Variants in DROSHA observed in about 807,000 individuals in gnomAD.
DROSHA encodes the protein drosha ribonuclease III, also known as ribonuclease 3.
A neutral mutation model predicts 181.9 loss-of-function variants in DROSHA; 56 were observed. The observed-to-expected ratio is 0.31, with a 90% CI of 0.25 to 0.38. The LOEUF (loss-of-function observed/expected upper bound fraction) is 0.38. DROSHA is among the 10% of genes least tolerant of loss of function. The pLI, the probability that DROSHA is intolerant of heterozygous loss-of-function variation, is 1.00. For synonymous variants in DROSHA, 524 were observed against 591.2 expected (o/e 0.89, Z 1.65); for missense variants, 1,218 against 1,743.5 (o/e 0.70, Z 5.37).
intron 34 of DROSHA, 44 bp from the exon 35 acceptor site, chr5:31,405,767 CTT>C (rs67380927): frequency 0.018 from 8,594 of 465,016 alleles, no homozygotes; most frequent in Middle Eastern, 0.027. Context: ...TTTCAAGATT[CTT>C]TTTTTTTTTT....
At chr5:31,434,755 C>T (rs765213498) in intron 25 of DROSHA, among the ~76,000 whole-genome samples, 1 of 152,106 alleles carries the variant, frequency 6.6e-6, no homozygotes, top group Non-Finnish European at 1.5e-5. Flanking sequence ...TTACTTTAGG[C>T]AAAACCCACA....
chr5:31,503,710 G>A (rs1182221925), intron 11 of DROSHA, among the ~76,000 whole-genome samples: 3 of 152,104 alleles, frequency 2.0e-5, no homozygotes, highest in East Asian at 1.9e-4. Context: ...TTGATCCCTC[G>A]TCAACATCTC....
intron 20 of DROSHA, among the ~76,000 whole-genome samples, chr5:31,453,829 T>A (rs1197504928): frequency 6.6e-6 from 1 of 152,018 alleles, no homozygotes; most frequent in Non-Finnish European, 1.5e-5. Context: ...CTACAAGACT[T>A]TAAATTTCTA....
chr5:31,404,710 G>A (rs945364700), intron 35 of DROSHA, among the ~76,000 whole-genome samples: 1 of 152,112 alleles, frequency 6.6e-6, no homozygotes, highest in Admixed American at 6.5e-5. Context: ...GGTCAATCAT[G>A]TAATTGAAGT....
At chr5:31,459,910 A>C (rs1474974916) in intron 20 of DROSHA, among the ~76,000 whole-genome samples, 1 of 152,064 alleles carries the variant, frequency 6.6e-6, no homozygotes, top group East Asian at 1.9e-4. Context: ...TTTCCTTAAG[A>C]AGTTACAATG....
In DROSHA at chr5:31,410,948, T is replaced by A. The variant is rs574792837; in HGVS notation, c.3526-61A>T. 8 of 1,598,932 alleles carry A rather than the reference T, an allele frequency of 5.0e-6. No homozygotes were observed. In the Admixed American group the frequency reaches 5.1e-5, roughly 10 times the overall value. ...TTTCACTTTTGACCTCTCTTATTCC[T>A]GGGTTGGACCCAACTAGCCTGAGAG... On this transcript the variant is annotated intron_variant, in intron 30 of 35. Coordinates refer to ENST00000344624, the MANE Select transcript of DROSHA (RefSeq NM_001382508.1).
chr5:31,408,943 A>G, intron 33 of DROSHA, 113 bp downstream of exon 33: 2 of 977,936 alleles, frequency 2.0e-6, no homozygotes, highest in South Asian at 1.7e-5. Flanking sequence ...AGAAGTCTCA[A>G]TCCTGGGCTC....
intron 27 of DROSHA, 65 bp downstream of exon 27, chr5:31,429,410 C>T (rs923779247): frequency 2.2e-5 from 32 of 1,428,434 alleles, no homozygotes; most frequent in East Asian, 2.0e-4. Context: ...TTACAAAGAC[C>T]AGCTGAAATA....
chr5:31,405,426 C>T (rs960036228), intron 35 of DROSHA, among the ~76,000 whole-genome samples: 1 of 151,590 alleles, frequency 6.6e-6, no homozygotes, highest in Non-Finnish European at 1.5e-5. Context: ...ACAGGTCACC[C>T]GCGCTGAGAT....
chr5:31,530,162 C>T (rs2150066598), intron 3 of DROSHA, among the ~76,000 whole-genome samples: 1 of 152,150 alleles, frequency 6.6e-6, no homozygotes, highest in East Asian at 1.9e-4. Context: ...TACTCTGTCC[C>T]TAAGCTGGAG....
intron 27 of DROSHA, among the ~76,000 whole-genome samples, chr5:31,425,916 T>C (rs988529482): frequency 6.6e-6 from 1 of 152,076 alleles, no homozygotes; most frequent in Non-Finnish European, 1.5e-5. Flanking sequence ...CCCTGAGCAA[T>C]GCACTCAAAG....
rs182063518 is a variant in DROSHA at position 31,474,849 on chromosome 5, T to C, written c.2072-2617A>G. On this transcript the variant is annotated intron_variant, in intron 16 of 35. Coordinates refer to ENST00000344624, the MANE Select transcript of DROSHA (RefSeq NM_001382508.1). ...AAGAAGATGGCTGGCTGTGAAACAG[T>C]AAGAGGACCTTCATCAACAACCCAA... Among the ~76,000 whole-genome samples, 201 of 152,256 alleles carry C rather than the reference T, an allele frequency of 1.3e-3. 1 individual carries two copies. The highest frequency in any genetic ancestry group is 2.3e-3 in the Non-Finnish European group (156 of 68,008).
At chr5:31,418,426 A>G (rs1742243175) in intron 30 of DROSHA, among the ~76,000 whole-genome samples, 1 of 152,038 alleles carries the variant, frequency 6.6e-6, no homozygotes, top group Non-Finnish European at 1.5e-5. Context: ...ATGCCACTCT[A>G]CCAAGCTAGT....
intron 35 of DROSHA, 39 bp downstream of exon 35, chr5:31,405,638 A>G: frequency 6.6e-7 from 1 of 1,512,860 alleles, no homozygotes; most frequent in South Asian, 1.3e-5. Flanking sequence ...AACACTCATT[A>G]CATTATGAAC....
chr5:31,484,743 G>T, intron 15 of DROSHA, 138 bp downstream of exon 15: 1 of 638,722 alleles, frequency 1.6e-6, no homozygotes, highest in Non-Finnish European at 2.7e-6. Context: ...AAGCATTCCT[G>T]TGAATAACAC....
rs115553720 is a variant in DROSHA, at chr5:31,413,773, T to C, written c.3526-2886A>G. On this transcript the variant is annotated intron_variant, in intron 30 of 35. Transcript: ENST00000344624. ...ACCTCAGCTTTCCAGGGAGGCCTCC[T>C]GGAGGAGGGCTGACATTTGAGTAAA... is the stretch of plus-strand genomic sequence containing the variant. Among the ~76,000 whole-genome samples the C allele has an allele frequency of 2.5e-3, 375 of 152,330 alleles. 3 individuals are homozygous for C. The highest frequency in any genetic ancestry group is 8.6e-3 in the African/African-American group (359 of 41,578).
Position 31,529,124 on chromosome 5 carries a change from A to G in DROSHA, c.-46-19T>C. ...ATAAGCTCTAAAAAACAGAAAGAAT[A>G]AAACAGACATAAACATGTTTCCCAA... is the stretch of plus-strand genomic sequence containing the variant. On this transcript the variant is annotated intron_variant, in intron 3 of 35. Transcript: ENST00000344624. 1.3e-6 allele frequency: 2 copies of G among 1,586,326 alleles called. No individual in the cohort carries two copies. Among genetic ancestry groups the G allele is most frequent in the Non-Finnish European group, 1.7e-6 (2 of 1,164,646 alleles).
chr5:31,424,391 T>C (rs373030516), intron 28 of DROSHA, 36 bp downstream of exon 28: 27 of 1,585,262 alleles, frequency 1.7e-5, no homozygotes, highest in African/African-American at 1.5e-4. Flanking sequence ...TAGCTGGAGT[T>C]ATAAAGCTCA....
chr5:31,469,679 C>T (rs756663634), intron 17 of DROSHA, among the ~76,000 whole-genome samples: 3 of 146,850 alleles, frequency 2.0e-5, no homozygotes, highest in Non-Finnish European at 4.6e-5. Flanking sequence ...GGTACCAACA[C>T]AGGAAACAGT....
Sources: gnomAD v4.1 joint callset for allele counts (sites outside exome capture counted in the v4.1 genomes callset) on GRCh38, gnomAD v4.1.1 for gene constraint, MANE v1.5 for transcripts, NCBI Gene and HGNC (gene_info 2026-07-23, HGNC 2026-07-21) for gene names.